Variants in CCNB2 observed in about 807,000 individuals in gnomAD.
The protein encoded by CCNB2 is G2/mitotic-specific cyclin-B2.
A neutral mutation model predicts 51.1 loss-of-function variants in CCNB2; 39 were observed. The observed-to-expected ratio is 0.76, with a 90% CI of 0.59 to 1.00. CCNB2 has a LOEUF of 1.00. Ranked by LOEUF, CCNB2 falls within the 50% of genes least tolerant of loss-of-function variation. The pLI, the probability that CCNB2 is intolerant of heterozygous loss-of-function variation, is 0.00. For missense variants in CCNB2, 472 were observed against 470.3 expected, an observed-to-expected ratio of 1.00 and a Z score of -0.03; for synonymous variants, 174 against 165.5, an observed-to-expected ratio of 1.05 and a Z score of -0.40.
At chr15:59,109,699 AAC>A (rs1468593223) in intron 3 of CCNB2, among the ~76,000 whole-genome samples, 2 of 152,208 alleles carry the variant, frequency 1.3e-5, no homozygotes, top group African/African-American at 4.8e-5. Flanking sequence ...TAAAACGTCA[AAC>A]TTTGGCCGGG....
intron 8 of CCNB2, 66 bp downstream of exon 8, chr15:59,123,693 CGG>C: frequency 5.2e-6 from 2 of 382,664 alleles, no homozygotes; most frequent in Non-Finnish European, 9.3e-6. Context: ...GTATGTTGGG[CGG>C]GGGGGGGCGG....
chr15:59,108,134 A>C (rs1451117282), intron 3 of CCNB2, among the ~76,000 whole-genome samples: 2 of 152,250 alleles, frequency 1.3e-5, no homozygotes, highest in African/African-American at 4.8e-5. Flanking sequence ...GATAGCTGAC[A>C]GGAAAGGGCA....
At chr15:59,124,716 G>C in intron 8 of CCNB2, 51 bp from the exon 9 acceptor site, 1 of 1,184,838 alleles carries the variant, frequency 8.4e-7, no homozygotes, top group South Asian at 1.2e-5. Context: ...CTAGGAATAA[G>C]GTATCATTGG....
intron 3 of CCNB2, among the ~76,000 whole-genome samples, chr15:59,112,825 G>A (rs1179151695): frequency 6.6e-6 from 1 of 151,464 alleles, no homozygotes; most frequent in Non-Finnish European, 1.5e-5. Context: ...ACAAGGTCAG[G>A]AGATCGAGAC....
rs138232014 is a variant in CCNB2 at position 59,107,603 on chromosome 15, A to G, written c.200A>G (p.Asn67Ser). 55 of 1,614,114 alleles carry G rather than the reference A, an allele frequency of 3.4e-5. No individual in the cohort carries two copies. Among genetic ancestry groups the G allele is most frequent in the Non-Finnish European group, 4.6e-5 (54 of 1,180,056 alleles). Residue 67 changes from asparagine (N) to serine (S), a missense_variant, in exon 3 of 9, where the codon AAT becomes AGT. Transcript: ENST00000288207. Reference protein sequence around the residue: ...KVPVQPTKTTNVNKQLKPTAS... With the variant: ...KVPVQPTKTTSVNKQLKPTAS... ...CCAGTTCAACCCACCAAAACAACAA[A>G]TGTCAACAAACAACTGAAACCTACT...
In CCNB2 at chr15:59,107,405, A is replaced by G; in HGVS notation, c.108A>G (p.Glu36=). The G allele has an allele frequency of 6.2e-7, 1 of 1,614,116 alleles. No homozygotes were observed. Among genetic ancestry groups the G allele is most frequent in the Non-Finnish European group, 8.5e-7 (1 of 1,180,024 alleles). The change falls in exon 2 of 9, where the codon GAA becomes GAG. Residue 36 remains glutamate (E), a synonymous_variant. Coordinates refer to ENST00000288207, the MANE Select transcript of CCNB2 (RefSeq NM_004701.4). ...SHVTIRRTVL[E]EIGNRVTTRA... ...TGACTATTAGGCGAACTGTTTTAGA[A>G]GAAATTGGAAATAGAGTTACAACCA...
At chr15:59,121,270 T>C (rs1214442900) in intron 7 of CCNB2, 1 of 152,150 alleles carries the variant, frequency 6.6e-6, no homozygotes, top group Non-Finnish European at 1.5e-5. Flanking sequence ...GAAGGATATA[T>C]AGAGGATCAT....
intron 4 of CCNB2, 26 bp downstream of exon 4, chr15:59,114,640 G>T (rs1170303163): frequency 6.3e-7 from 1 of 1,586,508 alleles, no homozygotes; most frequent in South Asian, 1.1e-5. Context: ...TGTTTTGGTT[G>T]TATAAGCAAT....
chr15:59,120,280 C>T (rs1444319802), intron 7 of CCNB2, among the ~76,000 whole-genome samples: 1 of 152,076 alleles, frequency 6.6e-6, no homozygotes, highest in Non-Finnish European at 1.5e-5. Flanking sequence ...GAGCCTAGAA[C>T]AATTTGTGCC....
chr15:59,116,648 T>A, intron 5 of CCNB2, 42 bp from the exon 6 acceptor site: 1 of 1,405,780 alleles, frequency 7.1e-7, no homozygotes, highest in Non-Finnish European at 1.0e-6. Context: ...AGCTTCACTC[T>A]TCTTGTTAGG....
intron 7 of CCNB2, among the ~76,000 whole-genome samples, chr15:59,118,714 T>A (rs2079289589): frequency 6.6e-6 from 1 of 152,138 alleles, no homozygotes; most frequent in Non-Finnish European, 1.5e-5. Context: ...AGAAGTTGTC[T>A]CGTGACAGCC....
chr15:59,117,397 T>G (rs1003858087), intron 7 of CCNB2, 29 bp downstream of exon 7: 2 of 1,603,680 alleles, frequency 1.2e-6, no homozygotes, highest in Non-Finnish European at 1.7e-6. Flanking sequence ...AAGAAACTAA[T>G]TAGGCTATAT....
At chr15:59,108,468 G>A (rs2079244910) in intron 3 of CCNB2, among the ~76,000 whole-genome samples, 1 of 152,170 alleles carries the variant, frequency 6.6e-6, no homozygotes, top group Non-Finnish European at 1.5e-5. Context: ...TCTTCCCTAA[G>A]CGCCTACCCA....
At chr15:59,123,753 C>T (rs563812356) in intron 8 of CCNB2, 126 bp downstream of exon 8, 1 of 646,968 alleles carries the variant, frequency 1.5e-6, no homozygotes, top group South Asian at 1.8e-5. Context: ...AGTTTTAGCA[C>T]AAATCCTTTA....
At chr15:59,112,913 A>G (rs2079263691) in intron 3 of CCNB2, among the ~76,000 whole-genome samples, 2 of 151,972 alleles carry the variant, frequency 1.3e-5, no homozygotes, top group South Asian at 4.1e-4. Context: ...AGGCGCCTGT[A>G]GTCCCAGCTA....
intron 6 of CCNB2, 89 bp downstream of exon 6, chr15:59,117,015 G>C (rs2079282068): frequency 1.7e-6 from 2 of 1,156,530 alleles, no homozygotes; most frequent in Non-Finnish European, 2.5e-6. Context: ...CTTATTTATA[G>C]GACGCTTCCT....
intron 5 of CCNB2, chr15:59,115,777 C>T (rs2079276354): frequency 6.6e-6 from 1 of 152,114 alleles, no homozygotes; most frequent in Admixed American, 6.6e-5. Context: ...GTTGCCCACG[C>T]TGGAGTGCAG....
chr15:59,121,937 A>C, intron 7 of CCNB2, among the ~76,000 whole-genome samples: 1 of 127,564 alleles, frequency 7.8e-6, no homozygotes. Flanking sequence ...GTCTCAAAAA[A>C]AAAAAAAAAA....
At chr15:59,124,722 A>C (rs1316708018) in intron 8 of CCNB2, 45 bp from the exon 9 acceptor site, 1 of 1,290,646 alleles carries the variant, frequency 7.7e-7, no homozygotes, top group Non-Finnish European at 1.1e-6. Context: ...ATAAGGTATC[A>C]TTGGGGGTTC....
Sources: gnomAD v4.1 joint callset for allele counts (sites outside exome capture counted in the v4.1 genomes callset) on GRCh38, gnomAD v4.1.1 for gene constraint, MANE v1.5 for transcripts, NCBI Gene and HGNC (gene_info 2026-07-23, HGNC 2026-07-21) for gene names.